BAZ2A: variants seen among roughly 807,000 people sequenced by gnomAD.
BAZ2A encodes the protein bromodomain adjacent to zinc finger domain 2A.
A neutral mutation model predicts 199.9 loss-of-function variants in BAZ2A; 34 were observed. The observed-to-expected ratio is 0.17, with a 90% CI of 0.13 to 0.23. BAZ2A has a LOEUF of 0.23. Among genes scored for constraint, BAZ2A ranks in the 10% least tolerant of loss-of-function variants. BAZ2A has a pLI of 1.00. For missense variants in BAZ2A, 2,002 were observed against 2,391.1 expected (o/e 0.84, Z 3.39); for synonymous variants, 857 against 883.9 (o/e 0.97, Z 0.54).
In BAZ2A at chr12:56,630,289, G is replaced by A; in HGVS notation, c.-167C>T. 1 of 985,000 alleles carries A rather than the reference G, an allele frequency of 1.0e-6. No homozygotes were observed. The highest frequency in any genetic ancestry group is 1.2e-6 in the Non-Finnish European group (1 of 829,502). The allele number at this position is 985,000 out of a possible 1,614,324, so 61.0% of individuals were successfully genotyped here. Reference sequence around the variant, plus strand: ...GGAGGGGGACGCGGCTCAACCGCGGGGCCCGAGAGGAGCCAACATGGCCGG... The same window carrying A: ...GGAGGGGGACGCGGCTCAACCGCGGAGCCCGAGAGGAGCCAACATGGCCGG... On this transcript the variant is annotated 5_prime_UTR_variant, in exon 1 of 29. Transcript: ENST00000549884.
chr12:56,614,138 T>A lies in BAZ2A; in HGVS notation c.731A>T (p.Glu244Val). The change falls in exon 4 of 29, where the codon GAA (glutamate) becomes GTA (valine). Residue 244 changes from glutamate (E) to valine (V), a missense_variant and splice_region_variant. Around this residue, in one of 6 missense-constraint regions of BAZ2A, gnomAD observed 641 missense variants for 694.5 expected, o/e 0.92. Coordinates refer to ENST00000549884, the MANE Select transcript of BAZ2A (RefSeq NM_001300905.2). ...GSLELEEEQP[E>V]LKMCGYNGSV... is the part of the protein sequence containing the mutation. ...GCCATTGTAGCCACACATCTTCAGT[T>A]CTAGGAAATCACAGGAGAGACCAAA... 1 of 1,613,196 alleles carries A rather than the reference T, an allele frequency of 6.2e-7. No individual in the cohort carries two copies. The highest frequency in any genetic ancestry group is 8.5e-7 in the Non-Finnish European group (1 of 1,179,216).
intron 1 of BAZ2A, among the ~76,000 whole-genome samples, chr12:56,622,469 GAATT>G (rs1488678153): frequency 6.6e-6 from 1 of 152,162 alleles, no homozygotes; most frequent in African/African-American, 2.4e-5. Flanking sequence ...TTAAATATGG[GAATT>G]AATTATGTCA....
chr12:56,607,712 C>T (rs1042914027), intron 10 of BAZ2A, among the ~76,000 whole-genome samples: 10 of 152,120 alleles, frequency 6.6e-5, no homozygotes, highest in Admixed American at 1.3e-4. Context: ...GGTATAGAAA[C>T]GCCACCACAT....
intron 1 of BAZ2A, among the ~76,000 whole-genome samples, chr12:56,625,616 G>A (rs1263733288): frequency 2.6e-5 from 4 of 151,908 alleles, no homozygotes; most frequent in East Asian, 1.9e-4. Context: ...CTTGGCTCAC[G>A]CCTGTAATCC....
intron 3 of BAZ2A, 123 bp from the exon 4 acceptor site, chr12:56,614,261 T>G (rs987145161): frequency 3.9e-6 from 4 of 1,032,192 alleles, no homozygotes; most frequent in Admixed American, 4.4e-5. Context: ...TTGCGGCCAG[T>G]TCATTGCTGG....
chr12:56,599,951 C>T lies in BAZ2A; in HGVS notation c.5025+13G>A, dbSNP rs757469685. 6.2e-7 allele frequency: 1 copy of T among 1,613,894 alleles called. No homozygotes were observed. Among genetic ancestry groups the T allele is most frequent in the South Asian group, 1.1e-5 (1 of 91,074 alleles). On this transcript the variant is annotated intron_variant, in intron 25 of 28. Coordinates refer to ENST00000549884, the MANE Select transcript of BAZ2A (RefSeq NM_001300905.2). ...TGGCCCCTCAGCCTCTCCAGGCTCT[C>T]TCAGCCTCTTACCACTTTGTTGACA... is the stretch of plus-strand genomic sequence containing the variant.
chr12:56,629,719 G>A (rs953230744), intron 1 of BAZ2A, among the ~76,000 whole-genome samples: 7 of 152,022 alleles, frequency 4.6e-5, no homozygotes, highest in Non-Finnish European at 7.4e-5. Flanking sequence ...GTTTTAACCC[G>A]CCAAGGGAAC....
intron 2 of BAZ2A, among the ~76,000 whole-genome samples, chr12:56,616,532 G>A (rs1417562815): frequency 6.6e-6 from 1 of 152,164 alleles, no homozygotes; most frequent in Admixed American, 6.5e-5. Context: ...GGGTAGGGGG[G>A]GCACTTTGTG....
intron 1 of BAZ2A, among the ~76,000 whole-genome samples, chr12:56,627,429 G>A (rs1339433694): frequency 2.7e-5 from 4 of 146,326 alleles, no homozygotes; most frequent in Non-Finnish European, 6.0e-5. Context: ...TGGTGCCACC[G>A]TACTCCAGCC....
At chr12:56,621,500 C>T (rs534593334) in intron 1 of BAZ2A, among the ~76,000 whole-genome samples, 12 of 152,150 alleles carry the variant, frequency 7.9e-5, no homozygotes, top group Admixed American at 5.2e-4. Context: ...AGGTTCAAAT[C>T]CCAACTCTAC....
intron 1 of BAZ2A, among the ~76,000 whole-genome samples, chr12:56,618,230 C>T (rs1171031034): frequency 6.6e-6 from 1 of 151,954 alleles, no homozygotes; most frequent in Non-Finnish European, 1.5e-5. Flanking sequence ...ATGAGGGTAT[C>T]CCAAAAAATA....
Position 56,598,244 on chromosome 12 carries a change from A to G in BAZ2A, c.*374T>C, listed in dbSNP as rs1388897003. The stretch of plus-strand genomic sequence containing the variant: ...TTCACTAGAACTATTGCTATTGTTA[A>G]ATAACCCCAGAATGCTGGGGCACGT... On this transcript the variant is annotated 3_prime_UTR_variant, in exon 29 of 29. Transcript: ENST00000549884. 1 of 232,602 alleles carries G rather than the reference A, an allele frequency of 4.3e-6. No homozygotes were observed. Among genetic ancestry groups the G allele is most frequent in the Non-Finnish European group, 8.6e-6 (1 of 116,060 alleles). 14.4% of individuals were successfully genotyped at this position (232,602 alleles called of 1,614,324 possible). A position where few individuals can be genotyped will look rare whatever the true frequency, so the allele number is the denominator to read the frequency against.
At chr12:56,630,323 GAGTGAGTCGGAGCCGGAGGGGGCGGAGA>G in exon 1 of BAZ2A, 1 of 980,028 alleles carries the variant, frequency 1.0e-6, no homozygotes, top group Non-Finnish European at 1.2e-6. Flanking sequence ...GGCGGGGGAG[GAGTGAGTCGGAGCCGGAGGGGGCGGAGA>G]AGCCTCGGCC....
upstream of BAZ2A, chr12:56,638,030 C>T (rs1290848229): frequency 3.0e-6 from 1 of 328,012 alleles, no homozygotes; most frequent in Non-Finnish European, 5.6e-6. Context: ...CCCAGCTACT[C>T]AGGAGACTGA....
chr12:56,613,111 T>C lies in BAZ2A; in HGVS notation c.1039A>G (p.Thr347Ala), dbSNP rs374054835. 4 of 1,613,850 alleles carry C rather than the reference T, an allele frequency of 2.5e-6. No homozygotes were observed. The highest frequency in any genetic ancestry group is 1.7e-5 in the Admixed American group (1 of 60,000). ...TCATCTGCCAGGAGACTGAAGGCAG[T>C]AGCATTATTGAGGGAAGGGCAATCA... ...ALDCPSLNNA[T>A]AFSLLADDSQ... The change falls in exon 5 of 29, where the codon ACT becomes GCT. Residue 347 changes from threonine to alanine, a missense_variant. Physicochemically the swap from Thr to Ala is moderately conservative, Grantham distance 58. This residue lies in a region of BAZ2A where 641 missense variants were observed against 694.5 expected (regional missense o/e 0.92). Coordinates refer to ENST00000549884, the MANE Select transcript of BAZ2A (RefSeq NM_001300905.2).
In BAZ2A at chr12:56,610,099, C is replaced by T. The variant is rs1565820057; in HGVS notation, c.1881+15G>A. 6.2e-7 allele frequency: 1 copy of T among 1,613,092 alleles called. No individual in the cohort carries two copies. The highest frequency in any genetic ancestry group is 2.2e-5 in the East Asian group (1 of 44,878). On this transcript the variant is annotated intron_variant, in intron 9 of 28. Transcript: ENST00000549884. ...TCCTCAGGGACAAAAGCATATTTAACCCTTGGGTCTGCACCTCTGGCGTGT... is the reference window on the plus strand; with the variant it reads ...TCCTCAGGGACAAAAGCATATTTAATCCTTGGGTCTGCACCTCTGGCGTGT...
At position 56,599,696 on chromosome 12, in the gene BAZ2A, C is replaced by A. The variant is rs745697174; in HGVS notation, c.5172+6G>T. 1.9e-6 allele frequency: 3 copies of A among 1,613,070 alleles called. No homozygotes were observed. The highest frequency in any genetic ancestry group is 2.5e-6 in the Non-Finnish European group (3 of 1,179,900). Reference sequence around the variant, plus strand: ...GAGTGTGGGAAAGAAAGAGCAGAAGCCTTACCTGAGCCAAACAGACAGTAC... The same window carrying A: ...GAGTGTGGGAAAGAAAGAGCAGAAGACTTACCTGAGCCAAACAGACAGTAC... On this transcript the variant is annotated splice_donor_region_variant and intron_variant, in intron 26 of 28. Coordinates refer to ENST00000549884, the MANE Select transcript of BAZ2A (RefSeq NM_001300905.2).
chr12:56,626,408 CAAGA>C (rs1483588044), intron 1 of BAZ2A, among the ~76,000 whole-genome samples: 1 of 152,166 alleles, frequency 6.6e-6, no homozygotes, highest in Non-Finnish European at 1.5e-5. Flanking sequence ...TCAGTGGTGA[CAAGA>C]AAGGTCAACA....
At position 56,605,258 on chromosome 12, in the gene BAZ2A, T is replaced by C. The variant is rs758367601; in HGVS notation, c.2563A>G (p.Ile855Val). Residue 855 changes from isoleucine to valine, a missense_variant, in exon 14 of 29, where the codon ATT becomes GTT. By Grantham distance (29) the Ile-to-Val change is conservative. This residue lies in a region of BAZ2A where 1,081 missense variants were observed against 1,274.7 expected (regional missense o/e 0.85). Transcript: ENST00000549884. Reference protein sequence around the residue: ...PSGAFSDCLTIVEFLHSFGKV... With the variant: ...PSGAFSDCLTVVEFLHSFGKV... The stretch of plus-strand genomic sequence containing the variant: ...CCAAAGCTATGCAGGAACTCCACAA[T>C]GGTCAAGCAGTCTGAGAAGGCTCCA... 9.9e-6 allele frequency: 16 copies of C among 1,613,588 alleles called. No homozygotes were observed. The highest frequency in any genetic ancestry group is 1.3e-5 in the African/African-American group (1 of 74,850).
Sources: gnomAD v4.1 joint callset for allele counts (sites outside exome capture counted in the v4.1 genomes callset) on GRCh38, gnomAD v4.1.1 for gene constraint, gnomAD v4.1.1 regional missense constraint, MANE v1.5 for transcripts, NCBI Gene and HGNC (gene_info 2026-07-23, HGNC 2026-07-21) for gene names.